Variants in C13orf46 observed in about 807,000 individuals in gnomAD.
The protein encoded by C13orf46 is uncharacterized protein C13orf46.
the C13orf46 span, chr13:113,927,304 T>G: frequency 5.3e-6 from 2 of 377,354 alleles, no homozygotes; most frequent in Admixed American, 9.1e-5. Flanking sequence ...TGGGACAGGC[T>G]CCTCGCTGGG....
the C13orf46 span, among the ~76,000 whole-genome samples, chr13:113,946,357 C>T: frequency 4.9e-3 from 740 of 152,306 alleles, 6 homozygotes; most frequent in African/African-American, 0.017. Context: ...CCAGGACCCT[C>T]GGGGGGACCA....
chr13:113,942,305 T>A, the C13orf46 span, among the ~76,000 whole-genome samples: 41 of 152,230 alleles, frequency 2.7e-4, no homozygotes, highest in African/African-American at 6.0e-4. Context: ...GATAAATGCC[T>A]GAGGAAATGG....
the C13orf46 span, among the ~76,000 whole-genome samples, chr13:113,938,830 C>T: frequency 1.1e-4 from 17 of 152,288 alleles, no homozygotes; most frequent in African/African-American, 3.4e-4. Context: ...CTGCCCAGCA[C>T]GTCCTTCCAA....
At chr13:113,944,063 G>T in the C13orf46 span, among the ~76,000 whole-genome samples, 1 of 152,166 alleles carries the variant, frequency 6.6e-6, no homozygotes, top group African/African-American at 2.4e-5. Flanking sequence ...TCACCCCAAG[G>T]CCTCACAGAC....
intron 5 of C13orf46, among the ~76,000 whole-genome samples, chr13:113,966,804 T>A (rs1410745640): frequency 6.6e-6 from 1 of 152,050 alleles, no homozygotes; most frequent in Non-Finnish European, 1.5e-5. Context: ...ATGATGATGA[T>A]GATACCCCAT....
intron 6 of C13orf46, among the ~76,000 whole-genome samples, chr13:113,957,761 C>G (rs1246436730): frequency 7.9e-6 from 1 of 126,212 alleles, no homozygotes; most frequent in South Asian, 2.8e-4. Flanking sequence ...TTTCATCAAG[C>G]GCACTGGGAG....
At chr13:113,927,284 C>T in the C13orf46 span, 3 of 360,068 alleles carry the variant, frequency 8.3e-6, no homozygotes, top group Non-Finnish European at 1.5e-5. Context: ...GGTATGGGGA[C>T]CTTCATATGT....
Position 113,955,767 on chromosome 13 carries a change from CG to C in C13orf46, c.*1005del, listed in dbSNP as rs1162897830. 14 of 117,504 alleles carry C rather than the reference CG, an allele frequency of 1.2e-4. No homozygotes were observed. Among genetic ancestry groups the C allele is most frequent in the Admixed American group, 8.9e-5 (1 of 11,218 alleles). The allele number at this position is 117,504 out of a possible 1,614,324, so 7.3% of individuals were successfully genotyped here. On this transcript the variant is annotated 3_prime_UTR_variant, in exon 7 of 7. Coordinates refer to ENST00000636427, the MANE Select transcript of C13orf46 (RefSeq NM_001365455.2). ...TCTGGCAGAGAGGAGGAGCATCCGG[CG>C]GAGACGAGGAGCAGCCGGCGGAGAC...
chr13:113,946,273 C>T, the C13orf46 span, among the ~76,000 whole-genome samples: 1 of 152,184 alleles, frequency 6.6e-6, no homozygotes, highest in Non-Finnish European at 1.5e-5. Context: ...GATGAAAGCT[C>T]ATCTTGAGAA....
the C13orf46 span, among the ~76,000 whole-genome samples, chr13:113,932,817 T>C: frequency 5.3e-5 from 8 of 152,370 alleles, no homozygotes; most frequent in African/African-American, 1.4e-4. Flanking sequence ...TCTTATCTTC[T>C]TCTTACAAGT....
chr13:113,946,224 A>C, the C13orf46 span, among the ~76,000 whole-genome samples: 1 of 152,158 alleles, frequency 6.6e-6, no homozygotes, highest in African/African-American at 2.4e-5. Context: ...TGTACTCCCC[A>C]CCGGCCAATT....
chr13:113,939,153 C>T, the C13orf46 span, among the ~76,000 whole-genome samples: 8 of 134,328 alleles, frequency 6.0e-5, no homozygotes, highest in African/African-American at 2.0e-4. Context: ...GGGACAACAG[C>T]GTCCGGCTTC....
rs2052515403 is a variant in C13orf46 at position 113,955,249 on chromosome 13, CGAGGAGCATCTGGCGGAGAG to C, written c.*1504_*1523del. ...GGAGACGAGGAGCATCTGGCGGAGACGAGGAGCATCTGGCGGAGAGGAGGAGTAGTATCTGGCGGAGAGGA... is the reference window on the plus strand; with the variant it reads ...GGAGACGAGGAGCATCTGGCGGAGACGAGGAGTAGTATCTGGCGGAGAGGA... On this transcript the variant is annotated 3_prime_UTR_variant, in exon 7 of 7. Transcript: ENST00000636427. 1 of 117,510 alleles carries C rather than the reference CGAGGAGCATCTGGCGGAGAG, an allele frequency of 8.5e-6. No homozygotes were observed. The highest frequency in any genetic ancestry group is 1.6e-5 in the Non-Finnish European group (1 of 61,454). The allele number at this position is 117,510 out of a possible 1,614,324, so 7.3% of individuals were successfully genotyped here. A position where few individuals can be genotyped will look rare whatever the true frequency, so the allele number is the denominator to read the frequency against.
chr13:113,944,307 T>C, the C13orf46 span, among the ~76,000 whole-genome samples: 3 of 152,106 alleles, frequency 2.0e-5, no homozygotes, highest in African/African-American at 7.2e-5. Context: ...CCAGTGGGCT[T>C]GCACCCCCCT....
chr13:113,934,563 A>G, the C13orf46 span, among the ~76,000 whole-genome samples: 1 of 152,244 alleles, frequency 6.6e-6, no homozygotes, highest in African/African-American at 2.4e-5. Flanking sequence ...TGCCAAGACA[A>G]CTCAATGGGA....
rs1183277304 is a variant in C13orf46 at position 113,973,844 on chromosome 13, G to A, written c.154C>T (p.Pro52Ser). The change falls in exon 1 of 7, where the codon CCT (proline) becomes TCT (serine). Residue 52 changes from proline (P) to serine (S), a missense_variant. Physicochemically the swap from Pro to Ser is moderately conservative, Grantham distance 74 (BLOSUM62 -1). Transcript: ENST00000636427. ...TGAGGCTTCCTAGGGCGGCTGGGAG[G>A]GTCCCCCTCGGGCTGCAGGCCTCCC... ...SLGGLQPEGDPPSRPRKPHKE... is the reference protein window; with the variant it reads ...SLGGLQPEGDSPSRPRKPHKE... 1 of 152,298 alleles carries A rather than the reference G, an allele frequency of 6.6e-6. No homozygotes were observed. The highest frequency in any genetic ancestry group is 1.5e-5 in the Non-Finnish European group (1 of 68,086). The allele number at this position is 152,298 out of a possible 1,614,324, so 9.4% of individuals were successfully genotyped here.
the C13orf46 span, among the ~76,000 whole-genome samples, chr13:113,930,345 G>A: frequency 1.2e-5 from 1 of 85,488 alleles, no homozygotes; most frequent in African/African-American, 5.6e-5. Context: ...TGGGAGTGGA[G>A]GAGCACCGAG....
chr13:113,953,449 C>T (rs2052497609), downstream of C13orf46, among the ~76,000 whole-genome samples: 1 of 152,152 alleles, frequency 6.6e-6, no homozygotes, highest in African/African-American at 2.4e-5. Flanking sequence ...TCAGCTCTTC[C>T]CCCGGACACT....
rs911087528 is a variant in C13orf46, at chr13:113,958,119, C to T, written c.573-1280G>A. On this transcript the variant is annotated intron_variant, in intron 6 of 6. Transcript: ENST00000636427. The stretch of plus-strand genomic sequence containing the variant: ...TCATCAAGCACACTGGGGGTCTCCC[C>T]TGCACTCCACATGCACCCCCTTTCA... 3.0e-3 allele frequency among the ~76,000 whole-genome samples: 458 copies of T among 150,226 alleles called. 5 individuals are homozygous for T. Among genetic ancestry groups the T allele is most frequent in the Non-Finnish European group, 1.2e-3 (79 of 67,598 alleles).
Sources: allele counts gnomAD v4.1 joint callset (sites outside exome capture counted in the v4.1 genomes callset), GRCh38; gene constraint gnomAD v4.1.1; transcripts MANE v1.5; gene names NCBI Gene and HGNC (gene_info 2026-07-23, HGNC 2026-07-21).